The following ITSN1 variants were observed in gnomAD, a reference collection of about 807,000 sequenced individuals.
The protein encoded by ITSN1 is intersectin-1.
ITSN1 carries 58 observed loss-of-function variants against 239.8 expected under a neutral mutation model. That is an observed-to-expected ratio of 0.24 (90% confidence interval 0.20 to 0.30). ITSN1 has a LOEUF of 0.30. ITSN1 is among the 10% of genes least tolerant of loss of function. The pLI, the probability that ITSN1 is intolerant of heterozygous loss-of-function variation, is 1.00. For synonymous variants in ITSN1, 780 were observed against 770.8 expected, an observed-to-expected ratio of 1.01 and a Z score of -0.20; for missense variants, 1,558 against 2,103.3, an observed-to-expected ratio of 0.74 and a Z score of 5.07.
intron 9 of ITSN1, among the ~76,000 whole-genome samples, chr21:33,763,176 C>G: frequency 6.7e-6 from 1 of 148,500 alleles, no homozygotes; most frequent in Non-Finnish European, 1.5e-5. Context: ...TATAAATTTC[C>G]CCTTGTCTTG....
chr21:33,845,766 C>G (rs925114295), intron 29 of ITSN1, among the ~76,000 whole-genome samples: 2 of 152,210 alleles, frequency 1.3e-5, no homozygotes, highest in South Asian at 4.1e-4. Context: ...CGTCATGACC[C>G]GTCACGAAAG....
rs1417954831 is a variant in ITSN1, at chr21:33,766,559, C to T, written c.926+547C>T. Among the ~76,000 whole-genome samples the T allele has an allele frequency of 2.6e-5, 4 of 152,202 alleles. No individual in the cohort carries two copies. The East Asian group carries it at 7.7e-4, about 29-fold the overall frequency. ...ACGCTGTCCAGGACAGCTCTGTCTC[C>T]TGGCTTTGAACATAAAAACTGAATA... is the stretch of plus-strand genomic sequence containing the variant. On this transcript the variant is annotated intron_variant, in intron 10 of 39. Coordinates refer to ENST00000381318, the MANE Select transcript of ITSN1 (RefSeq NM_003024.3).
At chr21:33,766,144 T>C in intron 10 of ITSN1, 132 bp downstream of exon 10, 1 of 906,944 alleles carries the variant, frequency 1.1e-6, no homozygotes, top group Non-Finnish European at 1.7e-6. Context: ...TTCTAGAGAC[T>C]CTCATCTAGG....
chr21:33,722,502 A>G, intron 3 of ITSN1, 86 bp from the exon 4 acceptor site: 1 of 1,471,918 alleles, frequency 6.8e-7, no homozygotes, highest in East Asian at 2.4e-5. Flanking sequence ...GCCTCTTTGT[A>G]AATTTTGTAA....
At chr21:33,850,119 T>A (rs2075111369) in intron 29 of ITSN1, among the ~76,000 whole-genome samples, 1 of 152,224 alleles carries the variant, frequency 6.6e-6, no homozygotes, top group Admixed American at 6.5e-5. Context: ...AATTAAGAGA[T>A]GATTTATCCC....
intron 1 of ITSN1, among the ~76,000 whole-genome samples, chr21:33,714,167 A>C (rs1480915372): frequency 6.6e-6 from 1 of 152,220 alleles, no homozygotes; most frequent in South Asian, 2.1e-4. Flanking sequence ...CTATTGTGTT[A>C]GTGAATAAAC....
chr21:33,755,463 G>A, intron 8 of ITSN1, 66 bp downstream of exon 8: 1 of 854,404 alleles, frequency 1.2e-6, no homozygotes, highest in Non-Finnish European at 1.8e-6. Context: ...TCTAGATATT[G>A]GGTCATAGAT....
chr21:33,805,796 C>G (rs1046906651), intron 20 of ITSN1, among the ~76,000 whole-genome samples: 1 of 151,434 alleles, frequency 6.6e-6, no homozygotes, highest in South Asian at 2.1e-4. Flanking sequence ...CTCAGCCTCC[C>G]GAGTAGCTAG....
Position 33,802,881 on chromosome 21 carries a change from T to C in ITSN1, c.2319+437T>C, listed in dbSNP as rs145183352. 1.1e-3 allele frequency among the ~76,000 whole-genome samples: 172 copies of C among 152,262 alleles called. 1 individual carries two copies. Among genetic ancestry groups the C allele is most frequent in the South Asian group, 3.7e-3 (18 of 4,824 alleles). On this transcript the variant is annotated intron_variant, in intron 20 of 39. Coordinates refer to ENST00000381318, the MANE Select transcript of ITSN1 (RefSeq NM_003024.3). ...AGAGGCAAAAATGGACAGTCAACAA[T>C]ATGCAAAAATTAAAATGTCTATGTT...
At chr21:33,695,906 C>T (rs2091773424) in intron 1 of ITSN1, among the ~76,000 whole-genome samples, 1 of 152,136 alleles carries the variant, frequency 6.6e-6, no homozygotes, top group Admixed American at 6.5e-5. Flanking sequence ...TTCAGTGCAC[C>T]TCAATCAAGT....
chr21:33,838,049 T>C (rs779301393), intron 29 of ITSN1: 1 of 985,854 alleles, frequency 1.0e-6, no homozygotes, highest in Non-Finnish European at 1.2e-6. Context: ...TTACATTTTT[T>C]AACTAGACTG....
intron 1 of ITSN1, among the ~76,000 whole-genome samples, chr21:33,717,532 A>G (rs921327795): frequency 6.6e-6 from 1 of 151,962 alleles, no homozygotes. Context: ...ACCCTGTTAA[A>G]TTAAACGTAA....
At position 33,885,514 on chromosome 21, in the gene ITSN1, G is replaced by A. The variant is rs781378050; in HGVS notation, c.4835G>A (p.Arg1612Gln). Residue 1612 changes from arginine to glutamine, a missense_variant, in exon 38 of 40, where the codon CGG becomes CAG. By Grantham distance (43) the Arg-to-Gln change is conservative. Transcript: ENST00000381318. ...GAAGGCATCGAGTTGAAACCCTGTC[G>A]GTCACATGGTAAGGCTGTGAGGCGC... is the stretch of plus-strand genomic sequence containing the variant. ...VVEGIELKPC[R>Q]SHGKSNPYCE... The A allele has an allele frequency of 6.2e-6, 10 of 1,613,910 alleles. No individual in the cohort carries two copies. Among genetic ancestry groups the A allele is most frequent in the Non-Finnish European group, 7.6e-6 (9 of 1,179,886 alleles).
intron 33 of ITSN1, among the ~76,000 whole-genome samples, chr21:33,869,299 A>G (rs913223945): frequency 6.6e-6 from 1 of 152,218 alleles, no homozygotes; most frequent in Non-Finnish European, 1.5e-5. Flanking sequence ...ATCCTTCTTC[A>G]CATAATGGCA....
At chr21:33,855,263 C>T (rs1979103869) in intron 29 of ITSN1, among the ~76,000 whole-genome samples, 1 of 152,188 alleles carries the variant, frequency 6.6e-6, no homozygotes, top group Non-Finnish European at 1.5e-5. Flanking sequence ...AGATACCCAG[C>T]CCCCAACTCC....
chr21:33,714,645 A>G (rs1406276656), intron 1 of ITSN1, among the ~76,000 whole-genome samples: 1 of 152,100 alleles, frequency 6.6e-6, no homozygotes, highest in African/African-American at 2.4e-5. Context: ...TATATCTATA[A>G]GTAAAAATGG....
In ITSN1 at chr21:33,848,235, G is replaced by A. The variant is rs376576713; in HGVS notation, c.3662-8501G>A. Among the ~76,000 whole-genome samples the A allele has an allele frequency of 2.8e-3, 433 of 152,328 alleles. 5 individuals carry two copies. The South Asian group carries it at 0.045, about 16-fold the overall frequency. ...TTTAAAGAGGTGATGAAGTGAACAC[G>A]AGGCTGTTAGGGTGAGCCCTAATTC... is the stretch of plus-strand genomic sequence containing the variant. On this transcript the variant is annotated intron_variant, in intron 29 of 39. Transcript: ENST00000381318.
intron 1 of ITSN1, among the ~76,000 whole-genome samples, chr21:33,718,066 C>G (rs1293767181): frequency 6.6e-6 from 1 of 152,098 alleles, no homozygotes; most frequent in African/African-American, 2.4e-5. Flanking sequence ...CGTTTGGTCA[C>G]CAAACGAATG....
intron 20 of ITSN1, 142 bp downstream of exon 20, chr21:33,802,586 T>C: frequency 1.3e-6 from 1 of 743,440 alleles, no homozygotes; most frequent in Non-Finnish European, 2.2e-6. Context: ...TAGTAGGTTG[T>C]GCTTTTTAAA....
Sources: gnomAD v4.1 joint callset for allele counts (sites outside exome capture counted in the v4.1 genomes callset) on GRCh38, gnomAD v4.1.1 for gene constraint, MANE v1.5 for transcripts, NCBI Gene and HGNC (gene_info 2026-07-23, HGNC 2026-07-21) for gene names.